Variants in TTC39C observed in about 807,000 individuals in gnomAD.
TTC39C encodes tetratricopeptide repeat domain 39C, also known as tetratricopeptide repeat protein 39C.
TTC39C carries 33 observed loss-of-function variants against 76.3 expected under a neutral mutation model. The observed-to-expected ratio is 0.43, with a 90% CI of 0.33 to 0.58. The LOEUF (loss-of-function observed/expected upper bound fraction) is 0.58, where lower values mean the gene tolerates loss of function less well. Among genes scored for constraint, TTC39C ranks in the 20% least tolerant of loss-of-function variants. TTC39C has a pLI of 0.04. For missense variants in TTC39C, 595 were observed against 701.4 expected (o/e 0.85, Z 1.71); for synonymous variants, 254 against 260.6 (o/e 0.97, Z 0.24).
chr18:24,049,179 T>G (rs1195037555), intron 1 of TTC39C, among the ~76,000 whole-genome samples: 1 of 152,208 alleles, frequency 6.6e-6, no homozygotes, highest in African/African-American at 2.4e-5. Context: ...ATTTTGTATG[T>G]TCCAGAGACT....
intron 1 of TTC39C, chr18:24,000,688 GCAGTCACA>G (rs1278441212): frequency 6.6e-6 from 1 of 152,202 alleles, no homozygotes; most frequent in African/African-American, 2.4e-5. Flanking sequence ...TGAGACCTGT[GCAGTCACA>G]CAGTCACACA....
chr18:23,993,157 G>A (rs536636227), intron 1 of TTC39C: 4 of 152,134 alleles, frequency 2.6e-5, no homozygotes, highest in East Asian at 1.9e-4. Context: ...AAATACTAAC[G>A]CAAATTGAAG....
At chr18:24,046,398 A>G (rs1009137998) in intron 1 of TTC39C, among the ~76,000 whole-genome samples, 13 of 151,898 alleles carry the variant, frequency 8.6e-5, no homozygotes, top group African/African-American at 3.2e-4. Flanking sequence ...CACATAAGGC[A>G]GTATAATTAC....
upstream of TTC39C, chr18:24,014,636 T>C (rs980527194): frequency 1.3e-5 from 6 of 457,946 alleles, no homozygotes; most frequent in African/African-American, 1.3e-4. Context: ...CGGGTGCTGC[T>C]GAGTAATCCC....
At chr18:24,125,073 G>A (rs2085031667) in intron 9 of TTC39C, among the ~76,000 whole-genome samples, 1 of 152,116 alleles carries the variant, frequency 6.6e-6, no homozygotes, top group Admixed American at 6.5e-5. Flanking sequence ...TGTATTTTTA[G>A]TAGAGACGGG....
intron 4 of TTC39C, among the ~76,000 whole-genome samples, chr18:24,075,684 C>CAAAAAAAAAAAA (rs371486318): frequency 9.3e-5 from 6 of 64,254 alleles, no homozygotes; most frequent in African/African-American, 1.3e-4. Flanking sequence ...GACCTTGTCT[C>CAAAAAAAAAAAA]AAAAAAAAAA....
intron 1 of TTC39C, among the ~76,000 whole-genome samples, chr18:23,998,880 T>C (rs2083290574): frequency 1.3e-5 from 2 of 152,122 alleles, no homozygotes. Flanking sequence ...ATCCTGCTGC[T>C]CGGGAACCTG....
intron 1 of TTC39C, among the ~76,000 whole-genome samples, chr18:24,023,975 T>C (rs9962239): frequency 1.1e-3 from 14 of 12,308 alleles, no homozygotes; most frequent in African/African-American, 2.6e-3. Flanking sequence ...TATATATATA[T>C]ATATACATAT....
chr18:24,011,531 T>C (rs538566873), upstream of TTC39C, among the ~76,000 whole-genome samples: 1 of 152,342 alleles, frequency 6.6e-6, no homozygotes, highest in Admixed American at 6.5e-5. Context: ...TGGTTAGTGT[T>C]GAAGCCAGGG....
At chr18:24,064,116 T>C in intron 1 of TTC39C, 24 bp from the exon 2 acceptor site, 1 of 1,611,876 alleles carries the variant, frequency 6.2e-7, no homozygotes, top group Admixed American at 1.7e-5. Context: ...GTATTTTGTG[T>C]GTGTGTGTGT....
At chr18:24,033,591 C>T (rs894823094) in intron 1 of TTC39C, among the ~76,000 whole-genome samples, 89 of 152,210 alleles carry the variant, frequency 5.8e-4, no homozygotes, top group African/African-American at 2.1e-3. Context: ...ACAGACAGCC[C>T]TGGCCTTACT....
chr18:24,124,545 A>G (rs1027813326), intron 9 of TTC39C, among the ~76,000 whole-genome samples: 2 of 152,194 alleles, frequency 1.3e-5, no homozygotes, highest in Admixed American at 6.5e-5. Flanking sequence ...CAGTATTCCT[A>G]TGTATTCTGT....
intron 12 of TTC39C, among the ~76,000 whole-genome samples, chr18:24,131,512 C>A (rs1406474206): frequency 6.6e-6 from 1 of 151,954 alleles, no homozygotes; most frequent in Non-Finnish European, 1.5e-5. Flanking sequence ...TTGAGACCAA[C>A]CTGGCCAACA....
chr18:24,090,642 G>A (rs2166055), intron 6 of TTC39C, among the ~76,000 whole-genome samples: 130,909 of 151,606 alleles, frequency 0.86, 56,763 homozygotes, highest in Middle Eastern at 0.96. Context: ...ATAATATTGA[G>A]AAAGAAGGAA....
At chr18:24,038,163 C>T (rs570277184) in intron 1 of TTC39C, among the ~76,000 whole-genome samples, 370 of 152,074 alleles carry the variant, frequency 2.4e-3, no homozygotes, top group African/African-American at 8.4e-3. Flanking sequence ...AATTAAGTGC[C>T]GACTGTGTTT....
intron 6 of TTC39C, chr18:24,113,976 G>T (rs1020193885): frequency 2.5e-6 from 1 of 399,762 alleles, no homozygotes. Flanking sequence ...CAGCATTCTA[G>T]GGTATAGAAG....
chr18:24,089,752 A>G (rs902179267), intron 6 of TTC39C, among the ~76,000 whole-genome samples: 2 of 152,194 alleles, frequency 1.3e-5, no homozygotes, highest in African/African-American at 4.8e-5. Flanking sequence ...GGGCAAAAGC[A>G]TAATCTATTG....
At position 24,080,823 on chromosome 18, in the gene TTC39C, G is replaced by A; in HGVS notation, c.699G>A (p.Val233=). The A allele has an allele frequency of 6.2e-7, 1 of 1,614,096 alleles. No homozygotes were observed. Among genetic ancestry groups the A allele is most frequent in the Non-Finnish European group, 8.5e-7 (1 of 1,180,000 alleles). Residue 233 remains valine, a synonymous_variant, in exon 5 of 14, where the codon GTG becomes GTA. Transcript: ENST00000317571. The part of the protein sequence containing the change: ...YGLFHLCISM[V]PPNLLKIINL... ...TTTTTCACCTTTGCATATCCATGGT[G>A]CCCCCAAACCTGCTCAAAATCATCA...
chr18:23,996,133 G>GAACA (rs2083259016), intron 1 of TTC39C, among the ~76,000 whole-genome samples: 1 of 152,148 alleles, frequency 6.6e-6, no homozygotes. Context: ...CTTCATTGGG[G>GAACA]TTTAGTTTAC....
Sources: gnomAD v4.1 joint callset for allele counts (sites outside exome capture counted in the v4.1 genomes callset) on GRCh38, gnomAD v4.1.1 for gene constraint, MANE v1.5 for transcripts, NCBI Gene and HGNC (gene_info 2026-07-23, HGNC 2026-07-21) for gene names.